ZSCAN25: variants seen among roughly 807,000 people sequenced by gnomAD.
ZSCAN25 encodes the protein zinc finger and SCAN domain containing 25.
In ZSCAN25, 27 loss-of-function variants were observed where a neutral mutation model predicts 38.7. That is an observed-to-expected ratio of 0.70 (90% CI 0.51 to 0.96). The LOEUF (loss-of-function observed/expected upper bound fraction) is 0.96, where lower values mean the gene tolerates loss of function less well. ZSCAN25 is among the 40% of genes least tolerant of loss of function. The pLI is 0.00. For synonymous variants in ZSCAN25, 273 were observed against 277.7 expected (o/e 0.98, Z 0.17); for missense variants, 637 against 705.9 (o/e 0.90, Z 1.11).
chr7:99,622,637 G>A lies in ZSCAN25; in HGVS notation c.678G>A (p.Ser226=), dbSNP rs149621320. Residue 226 remains serine (S), a synonymous_variant, in exon 6 of 8, where the codon TCG becomes TCA. Coordinates refer to ENST00000394152, the MANE Select transcript of ZSCAN25 (RefSeq NM_145115.3). The part of the protein sequence containing the change: ...EMAAGFFTAG[S]QGLGPFKDMA... Reference sequence around the variant, plus strand: ...CAGCTGGGTTCTTTACTGCTGGATCGCAGGTGAGCTCTGACTCCCTTTGCA... The same window carrying A: ...CAGCTGGGTTCTTTACTGCTGGATCACAGGTGAGCTCTGACTCCCTTTGCA... 28 of 1,613,842 alleles carry A rather than the reference G, an allele frequency of 1.7e-5. No individual in the cohort carries two copies. The highest frequency in any genetic ancestry group is 1.6e-4 in the African/African-American group (12 of 74,988).
chr7:99,737,793 A>G, the ZSCAN25 span, among the ~76,000 whole-genome samples: 1 of 152,234 alleles, frequency 6.6e-6, no homozygotes, highest in African/African-American at 2.4e-5. Flanking sequence ...CTTGGAATTC[A>G]AATGCAGCCA....
At chr7:99,727,126 T>C in the ZSCAN25 span, among the ~76,000 whole-genome samples, 1 of 152,204 alleles carries the variant, frequency 6.6e-6, no homozygotes, top group African/African-American at 2.4e-5. Flanking sequence ...GCTGTTCCCA[T>C]ACTAGCTCTT....
At chr7:99,657,514 A>G in the ZSCAN25 span, among the ~76,000 whole-genome samples, 1 of 152,174 alleles carries the variant, frequency 6.6e-6, no homozygotes, top group African/African-American at 2.4e-5. Flanking sequence ...TATGTGGTTA[A>G]TTTTGGAATA....
At chr7:99,686,875 C>T in the ZSCAN25 span, among the ~76,000 whole-genome samples, 146 of 152,304 alleles carry the variant, frequency 9.6e-4, no homozygotes, top group Non-Finnish European at 1.3e-3. Context: ...TCTACAGCCA[C>T]TGCTGTTCTG....
rs1053427231 is a variant in ZSCAN25 at position 99,631,015 on chromosome 7, A to C, written c.*995A>C. ...AAGTATTTATTGAGGCCCTGTAACA[A>C]ACATGTCAGGAACTCTTCTGGGTGC... On this transcript the variant is annotated 3_prime_UTR_variant, in exon 8 of 8. Coordinates refer to ENST00000394152, the MANE Select transcript of ZSCAN25 (RefSeq NM_145115.3). 84 of 956,308 alleles carry C rather than the reference A, an allele frequency of 8.8e-5. No homozygotes were observed. Among genetic ancestry groups the C allele is most frequent in the Non-Finnish European group, 1.0e-4 (84 of 803,726 alleles). The allele number at this position is 956,308 out of a possible 1,614,324, so 59.2% of individuals were successfully genotyped here.
At position 99,631,011 on chromosome 7, in the gene ZSCAN25, A is replaced by T. The variant is rs1412701736; in HGVS notation, c.*991A>T. On this transcript the variant is annotated 3_prime_UTR_variant, in exon 8 of 8. Coordinates refer to ENST00000394152, the MANE Select transcript of ZSCAN25 (RefSeq NM_145115.3). ...TCCCAAGTATTTATTGAGGCCCTGT[A>T]ACAAACATGTCAGGAACTCTTCTGG... 1 of 952,694 alleles carries T rather than the reference A, an allele frequency of 1.0e-6. No homozygotes were observed. The highest frequency in any genetic ancestry group is 4.9e-5 in the South Asian group (1 of 20,548). 59.0% of individuals were successfully genotyped at this position (952,694 alleles called of 1,614,324 possible). A position where few individuals can be genotyped will look rare whatever the true frequency, so the allele number is the denominator to read the frequency against.
chr7:99,648,401 C>T, the ZSCAN25 span: 19 of 1,569,428 alleles, frequency 1.2e-5, no homozygotes, highest in Non-Finnish European at 1.7e-5. Context: ...TCAAGGGGAT[C>T]TACAATAGTT....
the ZSCAN25 span, chr7:99,647,477 T>C: frequency 2.0e-6 from 2 of 985,304 alleles, no homozygotes; most frequent in Non-Finnish European, 2.4e-6. Context: ...TCAGTGTTCA[T>C]TGCATTAAGA....
At chr7:99,652,614 T>C in the ZSCAN25 span, 4 of 1,614,102 alleles carry the variant, frequency 2.5e-6, no homozygotes, top group Non-Finnish European at 3.4e-6. Context: ...AGAGCATAAG[T>C]TGGAATCACC....
the ZSCAN25 span, chr7:99,715,528 T>C: frequency 1.6e-6 from 1 of 645,094 alleles, no homozygotes; most frequent in Admixed American, 2.9e-5. Flanking sequence ...AGTGGTTATA[T>C]ACGACAACAG....
chr7:99,643,734 G>A, the ZSCAN25 span, among the ~76,000 whole-genome samples: 1 of 151,864 alleles, frequency 6.6e-6, no homozygotes, highest in African/African-American at 2.4e-5. Context: ...GAGGTCACTG[G>A]GGAAGGGAGT....
the ZSCAN25 span, among the ~76,000 whole-genome samples, chr7:99,644,662 T>G: frequency 2.6e-5 from 4 of 152,144 alleles, no homozygotes; most frequent in Admixed American, 2.0e-4. Context: ...TATGAGGCCT[T>G]TCTTCATTTG....
chr7:99,737,640 C>T, the ZSCAN25 span, among the ~76,000 whole-genome samples: 18 of 152,164 alleles, frequency 1.2e-4, no homozygotes, highest in Admixed American at 3.3e-4. Flanking sequence ...CTTATGGAAA[C>T]GATTATGTTT....
the ZSCAN25 span, chr7:99,672,807 A>G: frequency 7.2e-6 from 11 of 1,519,548 alleles, no homozygotes; most frequent in Non-Finnish European, 9.7e-6. Flanking sequence ...ACACACAGCA[A>G]CCTTAGGTTC....
At chr7:99,652,841 A>T in the ZSCAN25 span, 1 of 1,241,962 alleles carries the variant, frequency 8.1e-7, no homozygotes, top group Non-Finnish European at 1.2e-6. Context: ...AACTGAGTCC[A>T]TGCAGTACTA....
chr7:99,635,301 A>G (rs1808228447), downstream of ZSCAN25, among the ~76,000 whole-genome samples: 1 of 152,192 alleles, frequency 6.6e-6, no homozygotes, highest in South Asian at 2.1e-4. Flanking sequence ...ATATTAAACA[A>G]GATTAACCTC....
chr7:99,691,277 A>G, the ZSCAN25 span, among the ~76,000 whole-genome samples: 6 of 136,102 alleles, frequency 4.4e-5, no homozygotes, highest in African/African-American at 8.4e-5. Flanking sequence ...GGAACATCAC[A>G]CTCCGGGGAC....
chr7:99,727,398 C>G, the ZSCAN25 span, among the ~76,000 whole-genome samples: 1 of 152,314 alleles, frequency 6.6e-6, no homozygotes, highest in South Asian at 2.1e-4. Context: ...TTCCTCACAC[C>G]TGATGCATAT....
chr7:99,651,757 C>T, the ZSCAN25 span, among the ~76,000 whole-genome samples: 4 of 152,206 alleles, frequency 2.6e-5, no homozygotes, highest in African/African-American at 9.7e-5. Flanking sequence ...ATCCAGAGTG[C>T]GAACTGTGCC....
Sources: gnomAD v4.1 joint callset for allele counts (sites outside exome capture counted in the v4.1 genomes callset) on GRCh38, gnomAD v4.1.1 for gene constraint, MANE v1.5 for transcripts, NCBI Gene and HGNC (gene_info 2026-07-23, HGNC 2026-07-21) for gene names.